The following NUDCD3 variants were observed in gnomAD, a reference collection of about 807,000 sequenced individuals.
The protein encoded by NUDCD3 is nudC domain-containing protein 3.
Under a neutral mutation model 39.7 loss-of-function variants are expected in NUDCD3, and 13 were observed. That is an observed-to-expected ratio of 0.33 (90% confidence interval 0.21 to 0.52). The LOEUF is 0.52. NUDCD3 is among the 20% of genes least tolerant of loss of function. The probability of loss-of-function intolerance (pLI) is 0.96; values close to 1 mark genes in which losing one functional copy is unlikely to be tolerated. For missense variants in NUDCD3, 453 were observed against 458.1 expected (o/e 0.99, Z 0.10); for synonymous variants, 175 against 172.4 (o/e 1.02, Z -0.12).
chr7:44,419,232 T>C (rs1799090150), intron 3 of NUDCD3, among the ~76,000 whole-genome samples: 1 of 152,002 alleles, frequency 6.6e-6, no homozygotes, highest in Admixed American at 6.6e-5. Flanking sequence ...TCGGACTGGG[T>C]GGAACTCAAC....
intron 1 of NUDCD3, among the ~76,000 whole-genome samples, chr7:44,488,281 G>A (rs1414113966): frequency 2.0e-5 from 3 of 149,842 alleles, no homozygotes; most frequent in Non-Finnish European, 4.4e-5. Flanking sequence ...GTTGCAGTGA[G>A]CTGAGATCAT....
At chr7:44,471,071 G>A (rs1474883927) in intron 2 of NUDCD3, among the ~76,000 whole-genome samples, 1 of 152,198 alleles carries the variant, frequency 6.6e-6, no homozygotes, top group African/African-American at 2.4e-5. Context: ...AATGAACAAA[G>A]TTCCTGCCTT....
chr7:44,390,909 G>A (rs1798502766), intron 5 of NUDCD3, among the ~76,000 whole-genome samples: 1 of 152,214 alleles, frequency 6.6e-6, no homozygotes, highest in Admixed American at 6.5e-5. Context: ...AATACTACCT[G>A]AGGCTTCAAA....
Position 44,385,983 on chromosome 7 carries a change from C to A in NUDCD3, c.*28G>T, listed in dbSNP as rs367977970. 5 of 1,162,208 alleles carry A rather than the reference C, an allele frequency of 4.3e-6. No homozygotes were observed. In the Admixed American group the frequency reaches 6.8e-5, roughly 16 times the overall value. 72.0% of individuals were successfully genotyped at this position (1,162,208 alleles called of 1,614,324 possible). On this transcript the variant is annotated 3_prime_UTR_variant, in exon 6 of 6. Transcript: ENST00000355451. ...CGAGGATAAGGCTCTGCCTCCCCAC[C>A]GGCGAGGGTTTCCTTTCCTTCTGGT...
At chr7:44,443,551 C>T (rs1009212940) in intron 2 of NUDCD3, among the ~76,000 whole-genome samples, 4 of 152,168 alleles carry the variant, frequency 2.6e-5, no homozygotes, top group Admixed American at 1.3e-4. Context: ...GCTGGGATTA[C>T]GGGCATGCAC....
chr7:44,422,708 CA>C (rs2116895542), intron 3 of NUDCD3, among the ~76,000 whole-genome samples: 1 of 152,290 alleles, frequency 6.6e-6, no homozygotes, highest in Admixed American at 6.5e-5. Context: ...ACCAGAGGTA[CA>C]AAGAGGAGCT....
intron 3 of NUDCD3, among the ~76,000 whole-genome samples, chr7:44,422,752 T>C (rs562233058): frequency 6.6e-6 from 1 of 152,036 alleles, no homozygotes; most frequent in African/African-American, 2.4e-5. Flanking sequence ...TTCCAAACAA[T>C]AGAAGAAGAC....
At chr7:44,443,450 G>A (rs748631313) in intron 2 of NUDCD3, among the ~76,000 whole-genome samples, 12 of 151,276 alleles carry the variant, frequency 7.9e-5, no homozygotes, top group Admixed American at 2.0e-4. Flanking sequence ...TCGCTCTGTC[G>A]CCCAGGCTGG....
At chr7:44,437,632 G>C (rs1321323154) in intron 2 of NUDCD3, among the ~76,000 whole-genome samples, 5 of 152,136 alleles carry the variant, frequency 3.3e-5, no homozygotes, top group Admixed American at 2.0e-4. Context: ...GATTAGTCAG[G>C]AAGGCTCCTT....
At chr7:44,471,149 G>A (rs1800248152) in intron 2 of NUDCD3, among the ~76,000 whole-genome samples, 1 of 152,166 alleles carries the variant, frequency 6.6e-6, no homozygotes, top group South Asian at 2.1e-4. Flanking sequence ...ACAGAGTGCT[G>A]GTTCCAAGAA....
chr7:44,478,273 G>A (rs1002826962), intron 2 of NUDCD3, among the ~76,000 whole-genome samples: 28 of 152,288 alleles, frequency 1.8e-4, no homozygotes, highest in Middle Eastern at 3.4e-3. Flanking sequence ...ACTTTGGGCC[G>A]GGCGCGGTGG....
intron 2 of NUDCD3, among the ~76,000 whole-genome samples, chr7:44,436,265 G>A (rs1050513318): frequency 2.0e-5 from 3 of 152,116 alleles, no homozygotes; most frequent in African/African-American, 7.2e-5. Context: ...TGATGTCTGG[G>A]ATTTGTTCTA....
intron 1 of NUDCD3, 114 bp downstream of exon 1, chr7:44,490,295 C>G (rs1800707213): frequency 2.9e-6 from 3 of 1,050,530 alleles, no homozygotes; most frequent in Non-Finnish European, 2.6e-6. Context: ...AAGCTCAACC[C>G]CAGGACACCA....
rs200787684 is a variant in NUDCD3, at chr7:44,486,463, T to TA, written c.193-1180dup. ...CCCCAGCTCCTGCTGGCAAAAGAAG[T>TA]AAAAAACTACGCAGCACACACCAAA... On this transcript the variant is annotated intron_variant, in intron 1 of 5. Transcript: ENST00000355451. 6.5e-3 allele frequency among the ~76,000 whole-genome samples: 975 copies of TA among 150,594 alleles called. 11 individuals are homozygous for TA. The highest frequency in any genetic ancestry group is 0.023 in the African/African-American group (924 of 40,894).
intron 2 of NUDCD3, among the ~76,000 whole-genome samples, chr7:44,446,071 G>A (rs1261074225): frequency 6.6e-6 from 1 of 152,188 alleles, no homozygotes; most frequent in African/African-American, 2.4e-5. Flanking sequence ...TTACCTATGG[G>A]TCTATGCCAG....
intron 2 of NUDCD3, chr7:44,468,350 A>C (rs1141978): frequency 4.0e-5 from 8 of 199,850 alleles, no homozygotes; most frequent in East Asian, 1.0e-4. Flanking sequence ...TAAAAACTGC[A>C]AAAAAAAAAA....
At chr7:44,391,813 G>A (rs1798521695) in intron 5 of NUDCD3, among the ~76,000 whole-genome samples, 3 of 152,198 alleles carry the variant, frequency 2.0e-5, no homozygotes. Context: ...TGGTCAGACA[G>A]GAACCTTTCT....
intron 2 of NUDCD3, among the ~76,000 whole-genome samples, chr7:44,479,746 T>C (rs1009467996): frequency 6.6e-6 from 1 of 152,200 alleles, no homozygotes; most frequent in Non-Finnish European, 1.5e-5. Flanking sequence ...TGTGGTCTTC[T>C]ACAGAATAAC....
At chr7:44,462,945 CTGTGTGTGTGTGTGTGTGTG>C (rs3138779) in intron 2 of NUDCD3, among the ~76,000 whole-genome samples, 23 of 146,790 alleles carry the variant, frequency 1.6e-4, no homozygotes, top group Non-Finnish European at 3.0e-4. Context: ...CACAACCAGG[CTGTGTGTGTGTGTGTGTGTG>C]TGTGTGTGTG....
Sources: gnomAD v4.1 joint callset for allele counts (sites outside exome capture counted in the v4.1 genomes callset) on GRCh38, gnomAD v4.1.1 for gene constraint, MANE v1.5 for transcripts, NCBI Gene and HGNC (gene_info 2026-07-23, HGNC 2026-07-21) for gene names.